NLK: variants seen among roughly 807,000 people sequenced by gnomAD.
The protein encoded by NLK is nemo like kinase.
Under a neutral mutation model 59.0 loss-of-function variants are expected in NLK, and 11 were observed. The observed-to-expected ratio is 0.19, with a 90% CI of 0.12 to 0.31. The LOEUF (loss-of-function observed/expected upper bound fraction) is 0.31. Ranked by LOEUF, NLK falls within the 10% of genes least tolerant of loss-of-function variation. NLK has a pLI of 1.00. For missense variants in NLK, 410 were observed against 661.1 expected, an observed-to-expected ratio of 0.62 and a Z score of 4.16; for synonymous variants, 235 against 235.9, an observed-to-expected ratio of 1.00 and a Z score of 0.03.
intron 8 of NLK, among the ~76,000 whole-genome samples, chr17:28,190,447 A>G (rs1909265295): frequency 6.6e-6 from 1 of 152,294 alleles, no homozygotes; most frequent in Middle Eastern, 3.4e-3. Context: ...AAATTTAAAA[A>G]TAAAGTGCCA....
intron 3 of NLK, among the ~76,000 whole-genome samples, chr17:28,159,499 A>G (rs1409107226): frequency 2.0e-5 from 3 of 152,212 alleles, no homozygotes; most frequent in Non-Finnish European, 2.9e-5. Flanking sequence ...TTGAATAAAA[A>G]CTATTAAAAA....
At chr17:28,160,187 G>A (rs961100297) in intron 3 of NLK, among the ~76,000 whole-genome samples, 1 of 152,132 alleles carries the variant, frequency 6.6e-6, no homozygotes, top group Non-Finnish European at 1.5e-5. Flanking sequence ...GCAGCCATGG[G>A]GCATTTCAAC....
chr17:28,176,317 T>A (rs1412815675), intron 7 of NLK, among the ~76,000 whole-genome samples: 11 of 152,182 alleles, frequency 7.2e-5, no homozygotes, highest in Non-Finnish European at 1.5e-5. Flanking sequence ...AGTTTTTGAG[T>A]TTGGACTGAG....
At chr17:28,117,046 G>A (rs922438635) in intron 1 of NLK, among the ~76,000 whole-genome samples, 2 of 152,028 alleles carry the variant, frequency 1.3e-5, no homozygotes, top group African/African-American at 2.4e-5. Context: ...TGGCTAGTAG[G>A]CCATGAAAAC....
chr17:28,169,733 T>C (rs1253751883), intron 6 of NLK, among the ~76,000 whole-genome samples: 1 of 150,466 alleles, frequency 6.6e-6, no homozygotes, highest in Non-Finnish European at 1.5e-5. Context: ...TTTTTTTTTT[T>C]TTTTTTGGCC....
intron 1 of NLK, among the ~76,000 whole-genome samples, chr17:28,061,346 G>T (rs1324137145): frequency 2.0e-5 from 3 of 152,198 alleles, no homozygotes. Context: ...ACCCAGAGAT[G>T]ATTTTTCTGC....
chr17:28,182,990 C>T (rs1908971505), intron 7 of NLK, among the ~76,000 whole-genome samples: 1 of 152,190 alleles, frequency 6.6e-6, no homozygotes, highest in Non-Finnish European at 1.5e-5. Context: ...TGAAAGGCTG[C>T]TCTAGTCTGA....
intron 3 of NLK, among the ~76,000 whole-genome samples, chr17:28,134,265 G>A (rs1906643419): frequency 6.6e-6 from 1 of 151,908 alleles, no homozygotes; most frequent in Non-Finnish European, 1.5e-5. Context: ...GCTGGGTGTA[G>A]TGGCACATGC....
chr17:28,181,097 A>T (rs907564211), intron 7 of NLK, among the ~76,000 whole-genome samples: 1 of 152,086 alleles, frequency 6.6e-6, no homozygotes, highest in Non-Finnish European at 1.5e-5. Flanking sequence ...CTACAAAAAA[A>T]TTTTTAAAAA....
Position 28,050,597 on chromosome 17 carries a change from C to T in NLK, c.458+7266C>T, listed in dbSNP as rs189441070. Among the ~76,000 whole-genome samples the T allele has an allele frequency of 3.0e-3, 454 of 151,686 alleles. 1 individual carries two copies. The highest frequency in any genetic ancestry group is 0.017 in the Middle Eastern group (5 of 294). On this transcript the variant is annotated intron_variant, in intron 1 of 10. Coordinates refer to ENST00000407008, the MANE Select transcript of NLK (RefSeq NM_016231.5). ...GAAAGTTTTTAAGTAAGAGAGACTT[C>T]GTCAGATTTAATTTTTTTTTTTGGA...
At chr17:28,112,094 T>G (rs777930098) in intron 1 of NLK, among the ~76,000 whole-genome samples, 4 of 152,100 alleles carry the variant, frequency 2.6e-5, no homozygotes, top group African/African-American at 4.8e-5. Flanking sequence ...TGGGCATATA[T>G]TCAGCCATCA....
In NLK at chr17:28,043,401, C is replaced by T; in HGVS notation, c.458+70C>T. ...TGGTTGTCATTGGATGAGTCCATCT[C>T]TAATGGTTGTCTCCATGTTGACCAA... On this transcript the variant is annotated intron_variant, in intron 1 of 10. Coordinates refer to ENST00000407008, the MANE Select transcript of NLK (RefSeq NM_016231.5). The T allele has an allele frequency of 3.1e-6, 4 of 1,306,162 alleles. No individual in the cohort carries two copies. In the Admixed American group the frequency reaches 7.1e-5, roughly 23 times the overall value. The allele number at this position is 1,306,162 out of a possible 1,614,324, so 80.9% of individuals were successfully genotyped here. A position where few individuals can be genotyped will look rare whatever the true frequency, so the allele number is the denominator to read the frequency against.
At chr17:28,141,941 A>C (rs1413542336) in intron 3 of NLK, among the ~76,000 whole-genome samples, 2 of 152,134 alleles carry the variant, frequency 1.3e-5, no homozygotes, top group African/African-American at 2.4e-5. Context: ...GTTTATGTAC[A>C]TATGCATTTG....
At chr17:28,055,342 C>T (rs1009843295) in intron 1 of NLK, among the ~76,000 whole-genome samples, 47 of 151,994 alleles carry the variant, frequency 3.1e-4, no homozygotes, top group Middle Eastern at 3.4e-3. Context: ...TTGCCCACCT[C>T]GGGCTCCCGA....
chr17:28,200,801 A>T (rs1425279046), downstream of NLK, among the ~76,000 whole-genome samples: 2 of 152,120 alleles, frequency 1.3e-5, no homozygotes, highest in African/African-American at 4.8e-5. Flanking sequence ...ACTTAAAAAA[A>T]ATTTTTTTTT....
chr17:28,124,931 C>A (rs1314890062), intron 2 of NLK, among the ~76,000 whole-genome samples: 2 of 152,006 alleles, frequency 1.3e-5, no homozygotes, highest in Non-Finnish European at 2.9e-5. Context: ...TGCCTATAGT[C>A]CCAGCTACTC....
chr17:28,116,154 A>C (rs113866124), intron 1 of NLK: 2 of 152,184 alleles, frequency 1.3e-5, no homozygotes, highest in Admixed American at 6.5e-5. Flanking sequence ...TATTTTTAAA[A>C]TTTTTTATTT....
At chr17:28,076,317 G>C (rs1267801356) in intron 1 of NLK, among the ~76,000 whole-genome samples, 1 of 152,170 alleles carries the variant, frequency 6.6e-6, no homozygotes, top group African/African-American at 2.4e-5. Flanking sequence ...TTGGTGGCTG[G>C]TGAGGGCCCA....
At chr17:28,125,933 G>A (rs1906273299) in intron 2 of NLK, among the ~76,000 whole-genome samples, 1 of 152,124 alleles carries the variant, frequency 6.6e-6, no homozygotes, top group South Asian at 2.1e-4. Flanking sequence ...ACCTTACTTT[G>A]TAGAGGAGGA....
Sources: gnomAD v4.1 joint callset for allele counts (sites outside exome capture counted in the v4.1 genomes callset) on GRCh38, gnomAD v4.1.1 for gene constraint, MANE v1.5 for transcripts, NCBI Gene and HGNC (gene_info 2026-07-23, HGNC 2026-07-21) for gene names.